ATP6V0E1: variants seen among roughly 807,000 people sequenced by gnomAD.
ATP6V0E1 encodes the protein ATPase H+ transporting V0 subunit e1.
A neutral mutation model predicts 11.6 loss-of-function variants in ATP6V0E1; 4 were observed. The observed-to-expected ratio is 0.35, with a 90% CI of 0.17 to 0.79. The LOEUF (loss-of-function observed/expected upper bound fraction) is 0.79, where lower values mean the gene tolerates loss of function less well. Among genes scored for constraint, ATP6V0E1 ranks in the 30% least tolerant of loss-of-function variants. The pLI is 0.54. For synonymous variants in ATP6V0E1, 36 were observed against 34.8 expected (o/e 1.04, Z -0.13); for missense variants, 105 against 100.0 (o/e 1.05, Z -0.21).
intron 2 of ATP6V0E1, among the ~76,000 whole-genome samples, chr5:173,017,432 G>C (rs938432650): frequency 4.6e-5 from 7 of 151,946 alleles, no homozygotes; most frequent in Non-Finnish European, 7.4e-5. Context: ...TACTCGGGAG[G>C]CTGAGGCGGG....
chr5:173,023,654 G>T (rs1756516026), intron 3 of ATP6V0E1, among the ~76,000 whole-genome samples: 1 of 152,132 alleles, frequency 6.6e-6, no homozygotes, highest in East Asian at 1.9e-4. Flanking sequence ...AGACCAGCTT[G>T]GGCAATATTG....
chr5:173,018,601 C>G (rs191259107), intron 2 of ATP6V0E1, among the ~76,000 whole-genome samples: 2 of 151,918 alleles, frequency 1.3e-5, no homozygotes, highest in South Asian at 2.1e-4. Flanking sequence ...ACCACCCTGT[C>G]GAAATAATGC....
At position 172,994,757 on chromosome 5, in the gene ATP6V0E1, ATTTT is replaced by A. The variant is rs11296906; in HGVS notation, c.105-6_105-3del. On this transcript the variant is annotated splice_polypyrimidine_tract_variant and intron_variant, in intron 1 of 3. Coordinates refer to ENST00000519374, the MANE Select transcript of ATP6V0E1 (RefSeq NM_003945.4). Reference sequence around the variant, plus strand: ...TTGCTAGTTATTTAATGACATTTGCATTTTTTTTTTTTTTTAGAGTTATCATTAC... The same window carrying A: ...TTGCTAGTTATTTAATGACATTTGCATTTTTTTTTTTAGAGTTATCATTAC... 31 of 1,397,578 alleles carry A rather than the reference ATTTT, an allele frequency of 2.2e-5. No homozygotes were observed. The highest frequency in any genetic ancestry group is 1.1e-4 in the Admixed American group (5 of 44,024). 86.6% of individuals were successfully genotyped at this position (1,397,578 alleles called of 1,614,324 possible).
At chr5:172,996,574 A>AAAAAACATACATAC (rs1292001050) in intron 2 of ATP6V0E1, among the ~76,000 whole-genome samples, 3 of 151,706 alleles carry the variant, frequency 2.0e-5, no homozygotes, top group African/African-American at 7.3e-5. Flanking sequence ...AAAAAAAAAA[A>AAAAAACATACATAC]ATACATACAT....
intron 2 of ATP6V0E1, among the ~76,000 whole-genome samples, chr5:173,004,938 A>AT (rs1376824509): frequency 6.6e-6 from 1 of 152,122 alleles, no homozygotes; most frequent in Non-Finnish European, 1.5e-5. Flanking sequence ...TTGCTTTGGC[A>AT]TTTTCATCTA....
At chr5:173,014,464 A>T (rs1331170168) in intron 2 of ATP6V0E1, among the ~76,000 whole-genome samples, 1 of 152,210 alleles carries the variant, frequency 6.6e-6, no homozygotes, top group African/African-American at 2.4e-5. Flanking sequence ...ACAGAGAATC[A>T]ATCTAAGTGT....
At chr5:172,995,451 A>G (rs982628434) in intron 2 of ATP6V0E1, among the ~76,000 whole-genome samples, 1 of 152,218 alleles carries the variant, frequency 6.6e-6, no homozygotes, top group Non-Finnish European at 1.5e-5. Context: ...ATATCTCACT[A>G]ATGGAGCTAA....
chr5:172,986,765 G>T (rs1373262361), intron 1 of ATP6V0E1: 2 of 433,472 alleles, frequency 4.6e-6, no homozygotes, highest in Non-Finnish European at 9.0e-6. Context: ...GATAAGGTTG[G>T]TTTTTTGTTG....
chr5:173,029,808 A>G (rs534447962), intron 3 of ATP6V0E1, among the ~76,000 whole-genome samples: 39 of 152,300 alleles, frequency 2.6e-4, no homozygotes, highest in African/African-American at 8.9e-4. Context: ...GCCACAACAG[A>G]TAAGAACGGC....
At chr5:173,004,200 G>A (rs1047420579) in intron 2 of ATP6V0E1, among the ~76,000 whole-genome samples, 11 of 152,184 alleles carry the variant, frequency 7.2e-5, no homozygotes, top group African/African-American at 2.7e-4. Context: ...GGGAAAGCAT[G>A]GAGGGATCAG....
chr5:172,992,173 CCCGAGTAGCTGGG>C (rs1755993282), intron 1 of ATP6V0E1, among the ~76,000 whole-genome samples: 1 of 152,152 alleles, frequency 6.6e-6, no homozygotes, highest in African/African-American at 2.4e-5. Flanking sequence ...GCCTCAGCCT[CCCGAGTAGCTGGG>C]ACTACAGGCG....
chr5:173,017,190 C>T (rs536038256), intron 2 of ATP6V0E1, among the ~76,000 whole-genome samples: 77 of 152,288 alleles, frequency 5.1e-4, no homozygotes, highest in Non-Finnish European at 9.0e-4. Flanking sequence ...ATTTAAAGTC[C>T]TGAAAGCGTG....
chr5:173,030,566 G>A (rs1437555727), intron 3 of ATP6V0E1, among the ~76,000 whole-genome samples: 24 of 150,810 alleles, frequency 1.6e-4, no homozygotes, highest in Admixed American at 6.7e-5. Flanking sequence ...TCAGCCTCCC[G>A]AGTAGCTGGG....
intron 2 of ATP6V0E1, among the ~76,000 whole-genome samples, chr5:173,000,774 C>T (rs1255990623): frequency 1.3e-5 from 2 of 151,028 alleles, no homozygotes; most frequent in Admixed American, 1.3e-4. Flanking sequence ...GATCTCAGCT[C>T]ACTGCAACCT....
At chr5:172,997,962 A>G (rs1336873925) in intron 2 of ATP6V0E1, among the ~76,000 whole-genome samples, 2 of 151,988 alleles carry the variant, frequency 1.3e-5, no homozygotes, top group African/African-American at 4.8e-5. Context: ...ACAAAAAATT[A>G]TCCGATTGTG....
intron 2 of ATP6V0E1, among the ~76,000 whole-genome samples, chr5:173,014,996 A>G (rs547864578): frequency 6.6e-6 from 1 of 152,324 alleles, no homozygotes; most frequent in African/African-American, 2.4e-5. Context: ...TTTCTTCTGG[A>G]TATTCTTTAG....
intron 2 of ATP6V0E1, among the ~76,000 whole-genome samples, chr5:173,007,471 T>A (rs1392908820): frequency 6.6e-6 from 1 of 152,172 alleles, no homozygotes; most frequent in African/African-American, 2.4e-5. Flanking sequence ...GAAAAGAGAA[T>A]CTCCTTTGTG....
At chr5:173,024,846 CTTTTTTT>C (rs542062411) in intron 3 of ATP6V0E1, among the ~76,000 whole-genome samples, 15 of 136,212 alleles carry the variant, frequency 1.1e-4, no homozygotes, top group East Asian at 2.1e-4. Flanking sequence ...TTTCTTTTTT[CTTTTTTT>C]TTTTTTTTGA....
At chr5:173,011,175 C>CTTTTTTTT (rs754605378) in intron 2 of ATP6V0E1, among the ~76,000 whole-genome samples, 1 of 114,710 alleles carries the variant, frequency 8.7e-6, no homozygotes, top group Non-Finnish European at 1.8e-5. Context: ...CCTGATTTAT[C>CTTTTTTTT]TTTTTTTTTT....
Sources: allele counts gnomAD v4.1 joint callset (sites outside exome capture counted in the v4.1 genomes callset), GRCh38; gene constraint gnomAD v4.1.1; transcripts MANE v1.5; gene names NCBI Gene and HGNC (gene_info 2026-07-23, HGNC 2026-07-21).